The following PDZD8 variants were observed in gnomAD, a reference collection of about 807,000 sequenced individuals.
PDZD8 encodes PDZ domain-containing protein 8.
Under a neutral mutation model 85.8 loss-of-function variants are expected in PDZD8, and 14 were observed. The observed-to-expected ratio is 0.16, with a 90% CI of 0.11 to 0.26. The LOEUF is 0.26. Among genes scored for constraint, PDZD8 ranks in the 10% least tolerant of loss-of-function variants. PDZD8 has a pLI of 1.00. For missense variants in PDZD8, 1,197 were observed against 1,424.3 expected, an observed-to-expected ratio of 0.84 and a Z score of 2.57; for synonymous variants, 592 against 568.6, an observed-to-expected ratio of 1.04 and a Z score of -0.59.
In PDZD8 at chr10:117,375,201, C is replaced by T. The variant is rs1385014316; in HGVS notation, c.27G>A (p.Ala9=). Residue 9 remains alanine (A), a synonymous_variant, in exon 1 of 5, where the codon GCG becomes GCA. Coordinates refer to ENST00000334464, the MANE Select transcript of PDZD8 (RefSeq NM_173791.5). ...TGAGGAAGGAACCCAGCACGGCCGA[C>T]GCCAGGATCATGAGCAGCAGCCCCA... The part of the protein sequence containing the change: MGLLLMIL[A]SAVLGSFLTL... 2 of 1,549,704 alleles carry T rather than the reference C, an allele frequency of 1.3e-6. No homozygotes were observed. Among genetic ancestry groups the T allele is most frequent in the African/African-American group, 1.4e-5 (1 of 73,068 alleles).
intron 2 of PDZD8, among the ~76,000 whole-genome samples, chr10:117,334,267 G>A (rs1844478168): frequency 6.6e-6 from 1 of 152,186 alleles, no homozygotes; most frequent in Admixed American, 6.5e-5. Context: ...GGAGGTTGAA[G>A]CTGGTGGGCT....
At chr10:117,324,888 C>G (rs1844288644) in intron 2 of PDZD8, among the ~76,000 whole-genome samples, 1 of 151,998 alleles carries the variant, frequency 6.6e-6, no homozygotes, top group East Asian at 1.9e-4. Context: ...AAATTTGAAG[C>G]CTTTACTTTT....
intron 1 of PDZD8, among the ~76,000 whole-genome samples, chr10:117,352,319 A>T (rs1205490977): frequency 6.6e-6 from 1 of 152,190 alleles, no homozygotes; most frequent in African/African-American, 2.4e-5. Flanking sequence ...CAAGTGATAA[A>T]TCTGCTAGAG....
At chr10:117,329,356 T>C (rs1456071347) in intron 2 of PDZD8, among the ~76,000 whole-genome samples, 3 of 152,186 alleles carry the variant, frequency 2.0e-5, no homozygotes, top group Non-Finnish European at 4.4e-5. Flanking sequence ...AAGTTCAAAG[T>C]ATTCTTTTAA....
Position 117,279,782 on chromosome 10 carries a change from C to A in PDZD8, c.*3486G>T, listed in dbSNP as rs1418017998. ...GGGGAGTTTGTAAAACCGTTGAAAT[C>A]TGATACATTTTGAATGGTGTGCCCA... On this transcript the variant is annotated 3_prime_UTR_variant, in exon 5 of 5. Transcript: ENST00000334464. The A allele has an allele frequency of 6.6e-6, 1 of 152,184 alleles. No individual in the cohort carries two copies. Among genetic ancestry groups the A allele is most frequent in the African/African-American group, 2.4e-5 (1 of 41,460 alleles). The allele number at this position is 152,184 out of a possible 1,614,324, so 9.4% of individuals were successfully genotyped here.
chr10:117,322,377 T>C (rs1257690437), intron 2 of PDZD8, among the ~76,000 whole-genome samples: 1 of 152,024 alleles, frequency 6.6e-6, no homozygotes, highest in Non-Finnish European at 1.5e-5. Flanking sequence ...GGAAAATTGT[T>C]TTCTTTTGCT....
chr10:117,289,600 C>A (rs898375347), intron 4 of PDZD8, among the ~76,000 whole-genome samples: 2 of 152,176 alleles, frequency 1.3e-5, no homozygotes, highest in Non-Finnish European at 2.9e-5. Context: ...TGTTAACAAT[C>A]CAAGTGATAG....
chr10:117,289,961 T>C (rs1434555818), intron 4 of PDZD8, among the ~76,000 whole-genome samples: 1 of 152,222 alleles, frequency 6.6e-6, no homozygotes, highest in Admixed American at 6.5e-5. Context: ...AAACAAAGTA[T>C]TTTAAAGATT....
chr10:117,307,239 T>C (rs532983141), intron 3 of PDZD8, among the ~76,000 whole-genome samples: 1 of 111,830 alleles, frequency 8.9e-6, no homozygotes, highest in Non-Finnish European at 2.2e-5. Context: ...TCTTTATAGG[T>C]TTCTAATTTT....
chr10:117,331,782 A>G (rs944324119), intron 2 of PDZD8, among the ~76,000 whole-genome samples: 7 of 152,218 alleles, frequency 4.6e-5, no homozygotes, highest in Admixed American at 3.3e-4. Context: ...TATATTTTGT[A>G]GTATGAAACA....
chr10:117,288,224 T>C (rs1844698265), intron 4 of PDZD8, among the ~76,000 whole-genome samples: 2 of 152,160 alleles, frequency 1.3e-5, no homozygotes, highest in Non-Finnish European at 2.9e-5. Flanking sequence ...TATATACCCA[T>C]ATAAATGAAT....
intron 3 of PDZD8, among the ~76,000 whole-genome samples, chr10:117,305,845 G>A (rs1843934206): frequency 6.6e-6 from 1 of 152,132 alleles, no homozygotes; most frequent in African/African-American, 2.4e-5. Context: ...AATCTTCCAT[G>A]TCATCTAGCA....
At chr10:117,364,554 AT>A (rs952703408) in intron 1 of PDZD8, among the ~76,000 whole-genome samples, 46 of 151,678 alleles carry the variant, frequency 3.0e-4, no homozygotes, top group Middle Eastern at 3.4e-3. Context: ...CTAAACCACT[AT>A]TTTTTTTAAC....
rs1203349123 is a variant in PDZD8, at chr10:117,318,740, CAAAT to C, written c.1098+128_1098+131del. On this transcript the variant is annotated intron_variant, in intron 3 of 4. Coordinates refer to ENST00000334464, the MANE Select transcript of PDZD8 (RefSeq NM_173791.5). ...TCACTGTAGTTGTATTGTAACGAGA[CAAAT>C]AAATAAGAACTGTTCATAGCTATTT... 1.2e-5 allele frequency: 7 copies of C among 595,040 alleles called. 1 individual carries two copies. Among genetic ancestry groups the C allele is most frequent in the Admixed American group, 9.8e-5 (3 of 30,546 alleles). The allele number at this position is 595,040 out of a possible 1,614,324, so 36.9% of individuals were successfully genotyped here. A position where few individuals can be genotyped will look rare whatever the true frequency, so the allele number is the denominator to read the frequency against.
intron 3 of PDZD8, among the ~76,000 whole-genome samples, chr10:117,311,135 CAT>C (rs1257172410): frequency 1.3e-5 from 2 of 152,162 alleles, no homozygotes; most frequent in Non-Finnish European, 2.9e-5. Flanking sequence ...AAACTATACA[CAT>C]AGAGTAAGAA....
chr10:117,323,621 A>G (rs764479577), intron 2 of PDZD8, among the ~76,000 whole-genome samples: 28 of 152,088 alleles, frequency 1.8e-4, no homozygotes, highest in Non-Finnish European at 3.5e-4. Context: ...CTACCAACTA[A>G]TACACTTTGT....
At chr10:117,289,564 A>G (rs1159529074) in intron 4 of PDZD8, among the ~76,000 whole-genome samples, 1 of 152,194 alleles carries the variant, frequency 6.6e-6, no homozygotes, top group Non-Finnish European at 1.5e-5. Context: ...CAAGCAAATA[A>G]CCTGCTATCT....
chr10:117,309,850 G>A (rs190455577), intron 3 of PDZD8, among the ~76,000 whole-genome samples: 4 of 152,218 alleles, frequency 2.6e-5, no homozygotes, highest in Non-Finnish European at 5.9e-5. Context: ...AAGTACTTGT[G>A]GATGAAACGG....
At chr10:117,340,872 C>G (rs1310804534) in intron 2 of PDZD8, 108 bp downstream of exon 2, 1 of 1,215,404 alleles carries the variant, frequency 8.2e-7, no homozygotes, top group Non-Finnish European at 1.1e-6. Context: ...AAAGAATTTA[C>G]AGGTAAATAA....
Sources: allele counts gnomAD v4.1 joint callset (sites outside exome capture counted in the v4.1 genomes callset), GRCh38; gene constraint gnomAD v4.1.1; transcripts MANE v1.5; gene names NCBI Gene and HGNC (gene_info 2026-07-23, HGNC 2026-07-21).